EYS: variants seen among roughly 807,000 people sequenced by gnomAD.
The protein encoded by EYS is protein eyes shut homolog.
Under a neutral mutation model 282.1 loss-of-function variants are expected in EYS, and 250 were observed. The observed-to-expected ratio is 0.89, with a 90% CI of 0.80 to 0.98. EYS has a LOEUF of 0.98. Ranked by LOEUF, EYS falls within the 50% of genes least tolerant of loss-of-function variation. The pLI is 0.00. For missense variants in EYS, 4,016 were observed against 3,709.0 expected (o/e 1.08, Z -2.15); for synonymous variants, 1,355 against 1,282.9 (o/e 1.06, Z -1.20).
intron 31 of EYS, among the ~76,000 whole-genome samples, chr6:64,120,627 A>G (rs1171977967): frequency 1.3e-5 from 2 of 152,104 alleles, no homozygotes; most frequent in East Asian, 3.9e-4. Flanking sequence ...TGTTATTTTC[A>G]CATCTAGAAA....
chr6:65,633,148 T>C (rs945706597), intron 2 of EYS, among the ~76,000 whole-genome samples: 4 of 152,214 alleles, frequency 2.6e-5, no homozygotes, highest in Non-Finnish European at 4.4e-5. Flanking sequence ...CTCTGAACTA[T>C]CCATCATAAG....
At chr6:65,629,667 C>T (rs78124247) in intron 2 of EYS, among the ~76,000 whole-genome samples, 4,588 of 152,168 alleles carry the variant, frequency 0.03, 280 homozygotes, top group East Asian at 0.28. Flanking sequence ...AAACCCTACC[C>T]TCAAACTCCT....
At chr6:64,001,544 A>G (rs1768093525) in intron 33 of EYS, among the ~76,000 whole-genome samples, 1 of 152,170 alleles carries the variant, frequency 6.6e-6, no homozygotes, top group Admixed American at 6.5e-5. Context: ...GATTTGGAAA[A>G]GACAATTTAT....
intron 31 of EYS, among the ~76,000 whole-genome samples, chr6:64,107,585 C>A (rs1582279263): frequency 6.6e-6 from 1 of 151,888 alleles, no homozygotes; most frequent in African/African-American, 2.4e-5. Context: ...CTCCTCAGCC[C>A]ACTGACTCAA....
chr6:64,700,248 C>T (rs931467774), intron 22 of EYS, among the ~76,000 whole-genome samples: 1 of 151,818 alleles, frequency 6.6e-6, no homozygotes, highest in Admixed American at 6.6e-5. Flanking sequence ...ATAATAAAAG[C>T]CATATAAGGC....
intron 2 of EYS, among the ~76,000 whole-genome samples, chr6:65,599,268 A>G (rs73742021): frequency 0.051 from 7,724 of 152,156 alleles, 601 homozygotes; most frequent in African/African-American, 0.16. Flanking sequence ...AGTTCAAACC[A>G]TGTTGTTCAA....
intron 35 of EYS, among the ~76,000 whole-genome samples, chr6:63,906,365 A>T (rs1291079794): frequency 6.6e-6 from 1 of 152,216 alleles, no homozygotes; most frequent in African/African-American, 2.4e-5. Flanking sequence ...CCTGCAAAAG[A>T]AGTCTGCTGC....
At chr6:63,987,507 T>A (rs1039098108) in intron 34 of EYS, among the ~76,000 whole-genome samples, 1 of 151,732 alleles carries the variant, frequency 6.6e-6, no homozygotes, top group Non-Finnish European at 1.5e-5. Flanking sequence ...ATAATTTAGA[T>A]GTACATAAAA....
intron 12 of EYS, among the ~76,000 whole-genome samples, chr6:65,221,869 G>A (rs1766475592): frequency 6.6e-6 from 1 of 152,186 alleles, no homozygotes; most frequent in South Asian, 2.1e-4. Context: ...CCCACCTCTT[G>A]CATCAGGGTG....
chr6:65,442,440 A>G (rs1188828836), intron 5 of EYS, among the ~76,000 whole-genome samples: 1 of 151,936 alleles, frequency 6.6e-6, no homozygotes, highest in Non-Finnish European at 1.5e-5. Context: ...ACTGCTGTAA[A>G]CTACTGTTTT....
chr6:64,984,308 A>T (rs1197926093), intron 14 of EYS, among the ~76,000 whole-genome samples: 3 of 151,364 alleles, frequency 2.0e-5, no homozygotes, highest in Non-Finnish European at 4.4e-5. Flanking sequence ...AGGAGCAGAG[A>T]GGTTACCAAA....
intron 30 of EYS, among the ~76,000 whole-genome samples, chr6:64,266,268 G>A (rs1228827973): frequency 6.6e-6 from 1 of 152,002 alleles, no homozygotes; most frequent in Non-Finnish European, 1.5e-5. Context: ...AGATGATTAA[G>A]TTTTAGTTTG....
At chr6:64,475,698 C>T (rs898761079) in intron 26 of EYS, among the ~76,000 whole-genome samples, 1 of 151,210 alleles carries the variant, frequency 6.6e-6, no homozygotes, top group African/African-American at 2.4e-5. Context: ...GTCACTTAAA[C>T]ACCCAAAGCC....
At chr6:65,208,842 T>C (rs528078403) in intron 12 of EYS, among the ~76,000 whole-genome samples, 11 of 151,780 alleles carry the variant, frequency 7.2e-5, no homozygotes, top group Admixed American at 2.0e-4. Flanking sequence ...TACTGGGTAA[T>C]GTCCAATATT....
Position 64,281,418 on chromosome 6 carries a change from A to G in EYS, c.6191+25552T>C, listed in dbSNP as rs1444319848. 2.0e-5 allele frequency among the ~76,000 whole-genome samples: 3 copies of G among 152,246 alleles called. No homozygotes were observed. The East Asian group carries it at 5.8e-4, about 29-fold the overall frequency. ...AGTAAAAGAAATACTTTCGAAATGA[A>G]TTGCATCATTTAAACTATTATATGT... On this transcript the variant is annotated intron_variant, in intron 30 of 42. Transcript: ENST00000503581.
chr6:64,728,480 G>A (rs886104143), intron 22 of EYS, among the ~76,000 whole-genome samples: 9 of 151,990 alleles, frequency 5.9e-5, no homozygotes, highest in East Asian at 5.9e-4. Context: ...GGCTACAGGC[G>A]CCCGCCACCA....
intron 9 of EYS, among the ~76,000 whole-genome samples, chr6:65,348,773 C>T (rs531311249): frequency 2.6e-5 from 4 of 151,666 alleles, no homozygotes; most frequent in African/African-American, 7.2e-5. Context: ...GGGTATTACT[C>T]AAGAAATCTT....
At chr6:64,915,485 A>C (rs1768131549) in intron 15 of EYS, among the ~76,000 whole-genome samples, 1 of 152,146 alleles carries the variant, frequency 6.6e-6, no homozygotes, top group African/African-American at 2.4e-5. Flanking sequence ...GAGTTTAATG[A>C]AATTGGTAAT....
At chr6:65,620,559 C>T (rs1474540007) in intron 2 of EYS, among the ~76,000 whole-genome samples, 2 of 150,596 alleles carry the variant, frequency 1.3e-5, no homozygotes, top group Non-Finnish European at 2.9e-5. Context: ...TCCTTCAGTT[C>T]TGCTCTGATT....
Sources: gnomAD v4.1 joint callset for allele counts (sites outside exome capture counted in the v4.1 genomes callset) on GRCh38, gnomAD v4.1.1 for gene constraint, MANE v1.5 for transcripts, NCBI Gene and HGNC (gene_info 2026-07-23, HGNC 2026-07-21) for gene names.